Variants in VCPIP1 observed in about 807,000 individuals in gnomAD.
VCPIP1 encodes valosin containing protein interacting protein 1.
VCPIP1 carries 8 observed loss-of-function variants against 85.0 expected under a neutral mutation model. The ratio of observed to expected loss-of-function variants is 0.09; its 90% CI spans 0.06 to 0.17. The LOEUF is 0.17. Ranked by LOEUF, VCPIP1 falls within the 10% of genes least tolerant of loss-of-function variation. The pLI is 1.00. For missense variants in VCPIP1, 1,070 were observed against 1,486.3 expected, an observed-to-expected ratio of 0.72 and a Z score of 4.61; for synonymous variants, 543 against 544.5, an observed-to-expected ratio of 1.00 and a Z score of 0.04.
At chr8:66,648,746 G>T (rs963237666) in intron 2 of VCPIP1, among the ~76,000 whole-genome samples, 5 of 152,008 alleles carry the variant, frequency 3.3e-5, no homozygotes. Context: ...TTGAAGAGAT[G>T]AGGTTTTACC....
chr8:66,637,563 G>T (rs924692251), intron 2 of VCPIP1, among the ~76,000 whole-genome samples: 8 of 151,022 alleles, frequency 5.3e-5, no homozygotes, highest in Non-Finnish European at 1.2e-4. Flanking sequence ...TTGTTTAGGG[G>T]TTTTTTTTGG....
Position 66,664,446 on chromosome 8 carries a change from A to G in VCPIP1, c.2513T>C (p.Val838Ala). Residue 838 changes from valine (V) to alanine (A), a missense_variant, in exon 1 of 3, where the codon GTT (valine) becomes GCT (alanine). Val to Ala is a moderately conservative substitution (Grantham distance 64, BLOSUM62 0). Coordinates refer to ENST00000310421, the MANE Select transcript of VCPIP1 (RefSeq NM_025054.5). ...AATTCTGTCGCCATGCTGTAAAGGA[A>G]CTGGTTCCTTTTCCATTCCTGCCTG... is the stretch of plus-strand genomic sequence containing the variant. ...PPQAGMEKEP[V>A]PLQHGDRITI... 1 of 1,613,900 alleles carries G rather than the reference A, an allele frequency of 6.2e-7. No homozygotes were observed. The highest frequency in any genetic ancestry group is 8.5e-7 in the Non-Finnish European group (1 of 1,179,810).
At chr8:66,636,236 CAAA>C (rs1180259925) in intron 2 of VCPIP1, among the ~76,000 whole-genome samples, 8 of 41,500 alleles carry the variant, frequency 1.9e-4, no homozygotes, top group Admixed American at 5.6e-4. Context: ...GACTCCATCT[CAAA>C]AAAAAAAAAA....
intron 1 of VCPIP1, among the ~76,000 whole-genome samples, chr8:66,661,067 A>C (rs1811151876): frequency 6.6e-6 from 1 of 152,188 alleles, no homozygotes; most frequent in Non-Finnish European, 1.5e-5. Flanking sequence ...TACATAATTC[A>C]AATACAGTCA....
At chr8:66,656,518 C>A (rs1346688818) in intron 1 of VCPIP1, among the ~76,000 whole-genome samples, 34 of 152,140 alleles carry the variant, frequency 2.2e-4, no homozygotes, top group Non-Finnish European at 5.9e-5. Context: ...TTTAAAAAGG[C>A]AATTTGAATT....
chr8:66,634,875 G>T lies in VCPIP1; in HGVS notation c.3295C>A (p.Pro1099Thr). ...TTTCGCTGGGCCTCAACCAAATCAG[G>T]ATCAAGCTGCCTGCCGTCTCTCATT... ...VTMRDGRQLD[P>T]DLVEAQRKKL... The change falls in exon 3 of 3, where the codon CCT (proline) becomes ACT (threonine). Residue 1099 changes from proline (P) to threonine (T), a missense_variant. Around this residue, in one of 8 missense-constraint regions of VCPIP1, gnomAD observed 255 missense variants for 289.5 expected, o/e 0.88. Coordinates refer to ENST00000310421, the MANE Select transcript of VCPIP1 (RefSeq NM_025054.5). The T allele has an allele frequency of 1.9e-6, 3 of 1,614,086 alleles. No individual in the cohort carries two copies. The highest frequency in any genetic ancestry group is 2.5e-6 in the Non-Finnish European group (3 of 1,180,004).
intron 2 of VCPIP1, among the ~76,000 whole-genome samples, chr8:66,639,290 C>T (rs560593185): frequency 1.7e-4 from 24 of 138,612 alleles, no homozygotes; most frequent in Admixed American, 1.6e-3. Context: ...TGGCCGAAAA[C>T]TTACTATATT....
In VCPIP1 at chr8:66,664,851, T is replaced by C. The variant is rs764231813; in HGVS notation, c.2108A>G (p.His703Arg). ...TTTACTCATGTTTAACTCCTCCTTGTGCAAAGTTTTTGTTTTCTGTCCAGT... is the reference window on the plus strand; with the variant it reads ...TTTACTCATGTTTAACTCCTCCTTGCGCAAAGTTTTTGTTTTCTGTCCAGT... ...ILTGQKTKTLHKEELNMSKTE... is the reference protein window; with the variant it reads ...ILTGQKTKTLRKEELNMSKTE... The change falls in exon 1 of 3, where the codon CAC (histidine) becomes CGC (arginine). Residue 703 changes from histidine (H) to arginine (R), a missense_variant. Around this residue, in one of 8 missense-constraint regions of VCPIP1, gnomAD observed 278 missense variants for 298.5 expected, o/e 0.93. Transcript: ENST00000310421. 7 of 1,613,986 alleles carry C rather than the reference T, an allele frequency of 4.3e-6. No individual in the cohort carries two copies. Among genetic ancestry groups the C allele is most frequent in the African/African-American group, 2.7e-5 (2 of 74,922 alleles).
At position 66,666,047 on chromosome 8, in the gene VCPIP1, A is replaced by T; in HGVS notation, c.912T>A (p.Ile304=). The change falls in exon 1 of 3, where the codon ATT becomes ATA. Residue 304 remains isoleucine (I), a synonymous_variant. Coordinates refer to ENST00000310421, the MANE Select transcript of VCPIP1 (RefSeq NM_025054.5). This position sits in a 1 kb window ranked among gnomAD's most constrained non-coding sequence, Gnocchi z 6.3. ...TCATGCCACTGAGGGAATCTAACAG[A>T]ATAATAGGACGATGTAGCACATTGG... is the stretch of plus-strand genomic sequence containing the variant. ...GLANVLHRPI[I]LLDSLSGMRS... 2 of 1,614,128 alleles carry T rather than the reference A, an allele frequency of 1.2e-6. No homozygotes were observed. Among genetic ancestry groups the T allele is most frequent in the Non-Finnish European group, 1.7e-6 (2 of 1,180,032 alleles).
At chr8:66,648,433 TTATCTAATC>T (rs1301775366) in intron 2 of VCPIP1, among the ~76,000 whole-genome samples, 12 of 152,244 alleles carry the variant, frequency 7.9e-5, no homozygotes, top group African/African-American at 1.9e-4. Flanking sequence ...AATTGATCAT[TTATCTAATC>T]TATCTAATCT....
intron 1 of VCPIP1, among the ~76,000 whole-genome samples, chr8:66,653,007 TCA>T (rs1811068049): frequency 6.6e-6 from 1 of 152,234 alleles, no homozygotes; most frequent in South Asian, 2.1e-4. Context: ...TTACAACATC[TCA>T]GAGTTCTAAT....
chr8:66,657,669 C>G (rs972278685), intron 1 of VCPIP1, among the ~76,000 whole-genome samples: 4 of 152,156 alleles, frequency 2.6e-5, no homozygotes, highest in Non-Finnish European at 4.4e-5. Context: ...TCTGAAAGGA[C>G]ACATCCCAAT....
At chr8:66,642,354 T>A (rs1024340096) in intron 2 of VCPIP1, among the ~76,000 whole-genome samples, 2 of 152,216 alleles carry the variant, frequency 1.3e-5, no homozygotes, top group Non-Finnish European at 2.9e-5. Flanking sequence ...AGATACATGT[T>A]TGCAAAAATT....
At chr8:66,661,765 ATTTT>A (rs113453783) in intron 1 of VCPIP1, among the ~76,000 whole-genome samples, 4 of 135,942 alleles carry the variant, frequency 2.9e-5, no homozygotes, top group Non-Finnish European at 6.4e-5. Flanking sequence ...TACCGATCAG[ATTTT>A]TTTTTTTTTT....
At chr8:66,637,664 C>T (rs1245563412) in intron 2 of VCPIP1, among the ~76,000 whole-genome samples, 2 of 149,278 alleles carry the variant, frequency 1.3e-5, no homozygotes, top group African/African-American at 2.5e-5. Flanking sequence ...TTCTCTATCA[C>T]ATATCAACAA....
chr8:66,663,468 A>G lies in VCPIP1; in HGVS notation c.2710+781T>C, dbSNP rs77062293. 1.1e-3 allele frequency among the ~76,000 whole-genome samples: 160 copies of G among 152,370 alleles called. 2 individuals are homozygous for G. Among genetic ancestry groups the G allele is most frequent in the East Asian group, 6.2e-3 (32 of 5,194 alleles). ...AAAGCATACTAAGTTATTTCAAAACAAAGACTAAGCAAATATAGACACTGT... is the reference window on the plus strand; with the variant it reads ...AAAGCATACTAAGTTATTTCAAAACGAAGACTAAGCAAATATAGACACTGT... On this transcript the variant is annotated intron_variant, in intron 1 of 2. Transcript: ENST00000310421.
intron 1 of VCPIP1, 72 bp downstream of exon 1, chr8:66,664,177 C>T (rs1228366722): frequency 9.2e-6 from 13 of 1,416,368 alleles, no homozygotes; most frequent in Non-Finnish European, 1.1e-5. Context: ...TCTTTTCCCC[C>T]AAAGATAACA....
In VCPIP1 at chr8:66,628,624, A is replaced by G. The variant is rs7462310; in HGVS notation, c.*5877T>C. The G allele has an allele frequency of 6.6e-6, 1 of 152,236 alleles. No homozygotes were observed. Among genetic ancestry groups the G allele is most frequent in the East Asian group, 1.9e-4 (1 of 5,200 alleles). 9.4% of individuals were successfully genotyped at this position (152,236 alleles called of 1,614,324 possible). On this transcript the variant is annotated 3_prime_UTR_variant, in exon 3 of 3. Transcript: ENST00000310421. ...CTGTTATAAGTAGGATGTTTATCTTATTTACTAAAGAGTTTTTGAGAATTC... is the reference window on the plus strand; with the variant it reads ...CTGTTATAAGTAGGATGTTTATCTTGTTTACTAAAGAGTTTTTGAGAATTC...
intron 2 of VCPIP1, among the ~76,000 whole-genome samples, chr8:66,646,778 G>A (rs962931066): frequency 6.6e-6 from 1 of 151,412 alleles, no homozygotes; most frequent in Admixed American, 6.6e-5. Context: ...CCTGGGTGAC[G>A]GAGTGAGACT....
Sources: allele counts gnomAD v4.1 joint callset (sites outside exome capture counted in the v4.1 genomes callset), GRCh38; gene constraint gnomAD v4.1.1; regional missense constraint gnomAD v4.1.1; non-coding constraint Gnocchi (gnomAD v3.1); transcripts MANE v1.5; gene names NCBI Gene and HGNC (gene_info 2026-07-23, HGNC 2026-07-21).